The following CUBN variants were observed in gnomAD, a reference collection of about 807,000 sequenced individuals.
CUBN encodes the protein 460 kDa receptor.
Under a neutral mutation model 405.3 loss-of-function variants are expected in CUBN, and 282 were observed. The ratio of observed to expected loss-of-function variants is 0.70; its 90% CI spans 0.63 to 0.77. The LOEUF is 0.77. Ranked by LOEUF, CUBN falls within the 30% of genes least tolerant of loss-of-function variation. CUBN has a pLI of 0.00. For missense variants in CUBN, 4,514 were observed against 4,475.2 expected, an observed-to-expected ratio of 1.01 and a Z score of -0.25; for synonymous variants, 1,684 against 1,617.0, an observed-to-expected ratio of 1.04 and a Z score of -0.99.
intron 30 of CUBN, 144 bp from the exon 31 acceptor site, chr10:16,982,797 T>A: frequency 1.3e-6 from 1 of 749,914 alleles, no homozygotes; most frequent in South Asian, 1.5e-5. Flanking sequence ...GATATCCACA[T>A]TAAGCCATTT....
chr10:17,102,300 T>TTTAC (rs1315295108), intron 13 of CUBN, among the ~76,000 whole-genome samples: 1 of 143,936 alleles, frequency 6.9e-6, no homozygotes, highest in South Asian at 2.2e-4. Flanking sequence ...TATTTATTTA[T>TTTAC]TTTTGAGACA....
intron 60 of CUBN, among the ~76,000 whole-genome samples, chr10:16,844,311 A>C (rs1839446610): frequency 6.6e-6 from 1 of 151,920 alleles, no homozygotes. Context: ...CAAAACAGGA[A>C]GGGTATCCCA....
chr10:17,085,489 G>C, intron 16 of CUBN, 108 bp downstream of exon 16: 2 of 1,133,206 alleles, frequency 1.8e-6, no homozygotes, highest in South Asian at 2.5e-5. Context: ...AATGTTCTTG[G>C]TCTAAGACAG....
At chr10:16,886,302 T>C (rs74942409) in intron 56 of CUBN, among the ~76,000 whole-genome samples, 12,171 of 152,268 alleles carry the variant, frequency 0.08, 563 homozygotes, top group South Asian at 0.13. Flanking sequence ...AGTTCTGACA[T>C]GTCATTTTTA....
At chr10:16,892,146 T>A (rs1053191972) in intron 54 of CUBN, among the ~76,000 whole-genome samples, 2 of 152,204 alleles carry the variant, frequency 1.3e-5, no homozygotes, top group African/African-American at 4.8e-5. Flanking sequence ...TAGCATTGGT[T>A]TAATAATTCT....
At chr10:16,888,266 A>G (rs1408879422) in intron 56 of CUBN, 151 bp downstream of exon 56, 3 of 664,316 alleles carry the variant, frequency 4.5e-6, no homozygotes, top group Non-Finnish European at 7.8e-6. Context: ...TCTCCCCACA[A>G]AAAGTGCTAA....
At chr10:16,950,164 C>G in intron 33 of CUBN, 53 bp from the exon 34 acceptor site, 1 of 1,319,462 alleles carries the variant, frequency 7.6e-7, no homozygotes, top group Non-Finnish European at 1.1e-6. Flanking sequence ...ATAAAACATA[C>G]AGGGAGATGG....
intron 44 of CUBN, among the ~76,000 whole-genome samples, chr10:16,919,453 C>T (rs990417005): frequency 2.6e-5 from 4 of 152,156 alleles, no homozygotes; most frequent in African/African-American, 9.7e-5. Flanking sequence ...GTTTTTCTTT[C>T]TCTTCAACAT....
In CUBN at chr10:17,043,853, C is replaced by A; in HGVS notation, c.3803G>T (p.Arg1268Leu). 4 of 1,613,514 alleles carry A rather than the reference C, an allele frequency of 2.5e-6. No homozygotes were observed. The highest frequency in any genetic ancestry group is 2.5e-6 in the Non-Finnish European group (3 of 1,179,612). Reference protein sequence around the residue: ...KLRTDEGQQGRGFKAEYRQTC... With the variant: ...KLRTDEGQQGLGFKAEYRQTC... ...CTGCCGGTATTCAGCCTTGAAGCCA[C>A]GTCCTTGCTGACCTTCATCTGTCCT... Residue 1268 changes from arginine to leucine, a missense_variant, in exon 26 of 67, where the codon CGT becomes CTT. Around this residue, in one of 5 missense-constraint regions of CUBN, gnomAD observed 242 missense variants for 309.0 expected, o/e 0.78. Coordinates refer to ENST00000377833, the MANE Select transcript of CUBN (RefSeq NM_001081.4).
chr10:16,928,357 C>T lies in CUBN; in HGVS notation c.6125-54G>A, dbSNP rs1842258532. On this transcript the variant is annotated intron_variant, in intron 40 of 66. Transcript: ENST00000377833. ...AAATACATCTTGAGAATCTACTCTA[C>T]AATCATTTGCAGCTTAGCCAAAGCA... 3.8e-6 allele frequency: 6 copies of T among 1,589,470 alleles called. No individual in the cohort carries two copies. In the Admixed American group the frequency reaches 8.4e-5, roughly 22 times the overall value.
chr10:16,964,762 T>C (rs1843340253), intron 31 of CUBN, among the ~76,000 whole-genome samples: 1 of 152,236 alleles, frequency 6.6e-6, no homozygotes, highest in Admixed American at 6.5e-5. Context: ...TAATCTAGCC[T>C]CTTGCTGCCG....
chr10:16,883,075 G>A (rs1840709252), intron 56 of CUBN, among the ~76,000 whole-genome samples: 1 of 151,266 alleles, frequency 6.6e-6, no homozygotes, highest in Non-Finnish European at 1.5e-5. Flanking sequence ...GAAAGGAAAG[G>A]AAGAAAGAAA....
chr10:17,045,317 A>G, intron 24 of CUBN, 129 bp from the exon 25 acceptor site: 1 of 930,366 alleles, frequency 1.1e-6, no homozygotes, highest in South Asian at 1.4e-5. Flanking sequence ...TGGCATCATG[A>G]AAGAGTAGTT....
In CUBN at chr10:16,925,241, CT is replaced by C; in HGVS notation, c.6645del (p.Ala2216ProfsTer17). On this transcript the variant is annotated frameshift_variant and splice_region_variant, in exon 43 of 67. Transcript: ENST00000377833. LOFTEE classifies it high-confidence loss of function. ...TATAATTCTCAGTGAAAATACTTAC[CT>C]AAACTCTTTGCCTCATATTTGATTT... ...GFKIKYEAKS[L>X]ACGGNVYIHD... 3 of 1,609,372 alleles carry C rather than the reference CT, an allele frequency of 1.9e-6. No individual in the cohort carries two copies. In the Admixed American group the frequency reaches 5.0e-5, roughly 27 times the overall value.
chr10:16,826,294 A>ATG (rs1554778712), intron 66 of CUBN, among the ~76,000 whole-genome samples: 1 of 151,888 alleles, frequency 6.6e-6, no homozygotes, highest in Non-Finnish European at 1.5e-5. Flanking sequence ...AGTTTAACAA[A>ATG]CATATTTACA....
At chr10:16,927,047 C>A (rs1842212528) in intron 41 of CUBN, among the ~76,000 whole-genome samples, 1 of 151,946 alleles carries the variant, frequency 6.6e-6, no homozygotes, top group East Asian at 1.9e-4. Context: ...GAAATACATT[C>A]TAGACCGGGA....
At chr10:17,029,641 C>T (rs1264129922) in intron 27 of CUBN, among the ~76,000 whole-genome samples, 1 of 152,186 alleles carries the variant, frequency 6.6e-6, no homozygotes, top group Non-Finnish European at 1.5e-5. Context: ...TATCTCTAAG[C>T]TCTAAGCAAA....
At chr10:16,996,712 G>A (rs1833745200) in intron 28 of CUBN, among the ~76,000 whole-genome samples, 1 of 152,138 alleles carries the variant, frequency 6.6e-6, no homozygotes, top group South Asian at 2.1e-4. Flanking sequence ...CTGCTGTATT[G>A]CCCGGCGACT....
At chr10:16,901,880 CCATA>C (rs1841381923) in intron 51 of CUBN, among the ~76,000 whole-genome samples, 1 of 98,790 alleles carries the variant, frequency 1.0e-5, no homozygotes, top group African/African-American at 3.8e-5. Context: ...TATATATACA[CCATA>C]TATAGTATAT....
Sources: allele counts gnomAD v4.1 joint callset (sites outside exome capture counted in the v4.1 genomes callset), GRCh38; gene constraint gnomAD v4.1.1; regional missense constraint gnomAD v4.1.1; transcripts MANE v1.5; gene names NCBI Gene and HGNC (gene_info 2026-07-23, HGNC 2026-07-21).